Variants in CNTN5 observed in about 807,000 individuals in gnomAD.
CNTN5 encodes contactin-5.
CNTN5 carries 77 observed loss-of-function variants against 129.1 expected under a neutral mutation model. The observed-to-expected ratio is 0.60, with a 90% CI of 0.50 to 0.72. CNTN5 has a LOEUF of 0.72. CNTN5 is among the 30% of genes least tolerant of loss of function. The probability of loss-of-function intolerance (pLI) is 0.00; values close to 1 mark genes in which losing one functional copy is unlikely to be tolerated. For synonymous variants in CNTN5, 509 were observed against 465.6 expected, an observed-to-expected ratio of 1.09 and a Z score of -1.20; for missense variants, 1,478 against 1,328.8, an observed-to-expected ratio of 1.11 and a Z score of -1.75.
At chr11:100,354,638 A>G (rs1255357827) in intron 24 of CNTN5, among the ~76,000 whole-genome samples, 2 of 151,714 alleles carry the variant, frequency 1.3e-5, no homozygotes, top group Non-Finnish European at 3.0e-5. Context: ...GATAAGTTCT[A>G]TTAAATGCAT....
intron 1 of CNTN5, among the ~76,000 whole-genome samples, chr11:99,270,687 G>A (rs1863130747): frequency 2.0e-5 from 3 of 151,870 alleles, no homozygotes; most frequent in Non-Finnish European, 4.4e-5. Flanking sequence ...TAGGCATTTA[G>A]AACAGAAACT....
chr11:99,996,475 T>C (rs1939451333), intron 8 of CNTN5, among the ~76,000 whole-genome samples: 2 of 152,192 alleles, frequency 1.3e-5, no homozygotes, highest in Admixed American at 1.3e-4. Context: ...CTAATATCAC[T>C]TCCCTTCACA....
intron 2 of CNTN5, among the ~76,000 whole-genome samples, chr11:99,537,096 G>C (rs1165083734): frequency 6.6e-6 from 1 of 152,048 alleles, no homozygotes; most frequent in African/African-American, 2.4e-5. Context: ...CTCAGACTTA[G>C]AGATTTTAAA....
At chr11:99,688,917 TC>T (rs1319317588) in intron 3 of CNTN5, among the ~76,000 whole-genome samples, 12 of 152,130 alleles carry the variant, frequency 7.9e-5, no homozygotes, top group Admixed American at 7.9e-4. Context: ...TCAATCCATG[TC>T]CCCGCAAACA....
chr11:100,308,609 T>C (rs891942803), intron 21 of CNTN5, 141 bp downstream of exon 21: 3 of 1,394,972 alleles, frequency 2.2e-6, no homozygotes, highest in Non-Finnish European at 2.8e-6. Context: ...TAAGAAATAC[T>C]ATTTTACTGG....
intron 7 of CNTN5, among the ~76,000 whole-genome samples, chr11:99,930,186 A>G (rs920225520): frequency 3.3e-5 from 5 of 151,976 alleles, no homozygotes; most frequent in African/African-American, 7.3e-5. Context: ...TCCCTTGCCA[A>G]TCTAGCTCCC....
intron 3 of CNTN5, among the ~76,000 whole-genome samples, chr11:99,649,619 A>T (rs987221787): frequency 1.3e-5 from 2 of 151,812 alleles, no homozygotes; most frequent in African/African-American, 4.8e-5. Context: ...ATGAAGACCT[A>T]CAATATAGTA....
intron 22 of CNTN5, among the ~76,000 whole-genome samples, 180 bp from the exon 23 acceptor site, chr11:100,340,913 A>C (rs1241662890): frequency 6.6e-6 from 1 of 152,198 alleles, no homozygotes; most frequent in Non-Finnish European, 1.5e-5. Context: ...AGCTCAGCAG[A>C]GTAGCTATTA....
chr11:100,087,508 A>C (rs1175399022), intron 13 of CNTN5, among the ~76,000 whole-genome samples: 1 of 151,898 alleles, frequency 6.6e-6, no homozygotes, highest in Admixed American at 6.6e-5. Context: ...AGAAGTAAAA[A>C]CACAAGCCAA....
At chr11:100,092,821 T>G (rs1944843708) in intron 13 of CNTN5, among the ~76,000 whole-genome samples, 1 of 151,992 alleles carries the variant, frequency 6.6e-6, no homozygotes, top group South Asian at 2.1e-4. Context: ...GTGCACCTGG[T>G]TTTAAAGCGG....
At chr11:99,826,190 T>A (rs980432683) in intron 4 of CNTN5, among the ~76,000 whole-genome samples, 3 of 152,162 alleles carry the variant, frequency 2.0e-5, no homozygotes, top group African/African-American at 4.8e-5. Context: ...TATGTTGTAA[T>A]TTTTGGTTTT....
At chr11:99,560,942 A>C (rs2135550126) in intron 3 of CNTN5, among the ~76,000 whole-genome samples, 1 of 152,234 alleles carries the variant, frequency 6.6e-6, no homozygotes, top group East Asian at 1.9e-4. Context: ...TTCTGCAGAT[A>C]TACTAATACC....
At chr11:99,519,697 G>T (rs1255149830) in intron 2 of CNTN5, among the ~76,000 whole-genome samples, 2 of 151,924 alleles carry the variant, frequency 1.3e-5, no homozygotes, top group African/African-American at 2.4e-5. Flanking sequence ...TAGATAAATT[G>T]CTAGTTTAAC....
At chr11:99,780,287 G>T (rs1945268457) in intron 3 of CNTN5, among the ~76,000 whole-genome samples, 4 of 151,986 alleles carry the variant, frequency 2.6e-5, no homozygotes, top group Non-Finnish European at 4.4e-5. Flanking sequence ...GAATAATATA[G>T]ATTATCAATG....
intron 3 of CNTN5, among the ~76,000 whole-genome samples, chr11:99,583,905 T>C (rs1949704296): frequency 6.6e-6 from 1 of 152,164 alleles, no homozygotes; most frequent in South Asian, 2.1e-4. Context: ...ATCACCCATC[T>C]TCTGCATGGC....
At chr11:99,032,962 A>T (rs1863476470) in intron 1 of CNTN5, among the ~76,000 whole-genome samples, 1 of 132,962 alleles carries the variant, frequency 7.5e-6, no homozygotes, top group Admixed American at 7.9e-5. Flanking sequence ...TAAGGAAGGG[A>T]TCCAGTTTCA....
At chr11:99,204,420 T>A (rs1315181207) in intron 1 of CNTN5, among the ~76,000 whole-genome samples, 1 of 152,228 alleles carries the variant, frequency 6.6e-6, no homozygotes. Flanking sequence ...ATTCCTTTTT[T>A]TCCCCTCTAA....
intron 3 of CNTN5, among the ~76,000 whole-genome samples, chr11:99,609,642 G>A (rs1001143430): frequency 2.0e-5 from 3 of 152,056 alleles, no homozygotes; most frequent in African/African-American, 7.2e-5. Context: ...CAGGAACATA[G>A]GAACAGATTC....
At chr11:99,501,951 T>G (rs1946441816) in intron 2 of CNTN5, among the ~76,000 whole-genome samples, 1 of 152,206 alleles carries the variant, frequency 6.6e-6, no homozygotes, top group Non-Finnish European at 1.5e-5. Context: ...GTCATCATAA[T>G]CAGGTCATCA....
Sources: gnomAD v4.1 joint callset for allele counts (sites outside exome capture counted in the v4.1 genomes callset) on GRCh38, gnomAD v4.1.1 for gene constraint, MANE v1.5 for transcripts, NCBI Gene and HGNC (gene_info 2026-07-23, HGNC 2026-07-21) for gene names.